The following LGR6 variants were observed in gnomAD, a reference collection of about 807,000 sequenced individuals.
LGR6 encodes leucine-rich repeat-containing G protein-coupled receptor 6.
In LGR6, 45 loss-of-function variants were observed where a neutral mutation model predicts 69.4. The ratio of observed to expected loss-of-function variants is 0.65; its 90% CI spans 0.51 to 0.83. The LOEUF is 0.83. Among genes scored for constraint, LGR6 ranks in the 40% least tolerant of loss-of-function variants. LGR6 has a pLI of 0.00. For missense variants in LGR6, 1,108 were observed against 1,246.7 expected (o/e 0.89, Z 1.68); for synonymous variants, 538 against 555.0 (o/e 0.97, Z 0.43).
intron 1 of LGR6, among the ~76,000 whole-genome samples, chr1:202,201,235 C>G (rs1279935898): frequency 6.6e-6 from 1 of 152,230 alleles, no homozygotes; most frequent in Non-Finnish European, 1.5e-5. Context: ...CTGTGATCTT[C>G]TTCCAGAAAG....
rs1252671536 is a variant in LGR6, at chr1:202,318,534, T to G, written c.2231T>G (p.Phe744Cys). Reference protein sequence around the residue: ...VALVMMNSFCFLVVAGAYIKL... With the variant: ...VALVMMNSFCCLVVAGAYIKL... ...CTGGTGATGATGAACTCCTTCTGTTTCCTGGTCGTGGCCGGTGCCTACATC... is the reference window on the plus strand; with the variant it reads ...CTGGTGATGATGAACTCCTTCTGTTGCCTGGTCGTGGCCGGTGCCTACATC... Residue 744 changes from phenylalanine to cysteine, a missense_variant, in exon 18 of 18, where the codon TTC becomes TGC. Phe to Cys is a radical substitution (Grantham distance 205). Transcript: ENST00000367278. 3.1e-6 allele frequency: 5 copies of G among 1,613,988 alleles called. No homozygotes were observed. Among genetic ancestry groups the G allele is most frequent in the Non-Finnish European group, 4.2e-6 (5 of 1,180,012 alleles).
intron 6 of LGR6, among the ~76,000 whole-genome samples, chr1:202,291,616 T>C (rs115336444): frequency 3.9e-5 from 6 of 152,316 alleles, no homozygotes; most frequent in East Asian, 1.9e-4. Context: ...TCCTGTCTCA[T>C]TGGGGAGACA....
chr1:202,238,016 A>C (rs1661740109), intron 4 of LGR6, among the ~76,000 whole-genome samples: 1 of 151,652 alleles, frequency 6.6e-6, no homozygotes, highest in Non-Finnish European at 1.5e-5. Flanking sequence ...CACAGCTATA[A>C]TGTATGATGA....
At chr1:202,251,564 C>G (rs762853082) in intron 4 of LGR6, among the ~76,000 whole-genome samples, 1 of 152,154 alleles carries the variant, frequency 6.6e-6, no homozygotes, top group Non-Finnish European at 1.5e-5. Flanking sequence ...CCAGGAGGCT[C>G]TATTCCCCAG....
chr1:202,235,571 C>G (rs1359186419), intron 3 of LGR6, among the ~76,000 whole-genome samples: 1 of 152,194 alleles, frequency 6.6e-6, no homozygotes, highest in Non-Finnish European at 1.5e-5. Context: ...TTTCCCACAT[C>G]CTTCCTGACC....
intron 2 of LGR6, 86 bp from the exon 3 acceptor site, chr1:202,227,850 C>T: frequency 2.3e-6 from 2 of 885,690 alleles, no homozygotes; most frequent in South Asian, 1.3e-5. Flanking sequence ...GCCCTCCCTT[C>T]CCGTATCTCA....
rs117498395 is a variant in LGR6, at chr1:202,243,749, G to T, written c.428+7756G>T. Among the ~76,000 whole-genome samples, 179 of 152,240 alleles carry T rather than the reference G, an allele frequency of 1.2e-3. No individual in the cohort carries two copies. In the East Asian group the frequency reaches 0.033, roughly 28 times the overall value. ...AATCTTCAAGAGGGCCCAAGTGGGA[G>T]CCCTGGGTGATTCCAAGAGAAGGAG... On this transcript the variant is annotated intron_variant, in intron 4 of 17. Transcript: ENST00000367278.
At chr1:202,273,663 G>A (rs1479072554) in intron 4 of LGR6, among the ~76,000 whole-genome samples, 2 of 151,682 alleles carry the variant, frequency 1.3e-5, no homozygotes, top group Non-Finnish European at 2.9e-5. Context: ...CGCTATGTTG[G>A]TCAGGCTGGT....
At chr1:202,233,223 TTA>T (rs1276220615) in intron 3 of LGR6, among the ~76,000 whole-genome samples, 1 of 152,192 alleles carries the variant, frequency 6.6e-6, no homozygotes, top group Non-Finnish European at 1.5e-5. Flanking sequence ...ATCTTTCTAG[TTA>T]TCTCTCTGGG....
intron 4 of LGR6, among the ~76,000 whole-genome samples, chr1:202,256,346 C>T (rs1488741797): frequency 6.6e-6 from 1 of 152,056 alleles, no homozygotes; most frequent in Non-Finnish European, 1.5e-5. Flanking sequence ...CGGGTTCAAG[C>T]GATTCTCCCG....
chr1:202,287,306 G>A (rs529951840), intron 6 of LGR6, among the ~76,000 whole-genome samples: 1 of 152,100 alleles, frequency 6.6e-6, no homozygotes, highest in Admixed American at 6.5e-5. Flanking sequence ...AGACTAAAGG[G>A]TTCTAGATCA....
intron 4 of LGR6, among the ~76,000 whole-genome samples, chr1:202,269,794 C>T (rs1571931959): frequency 6.6e-6 from 1 of 152,338 alleles, no homozygotes; most frequent in East Asian, 1.9e-4. Flanking sequence ...GACACCTGCC[C>T]TCTTTCCCTT....
chr1:202,304,930 C>T (rs892955913), intron 11 of LGR6, among the ~76,000 whole-genome samples: 1 of 152,162 alleles, frequency 6.6e-6, no homozygotes, highest in African/African-American at 2.4e-5. Flanking sequence ...GTGCATAATA[C>T]CAATAAATGA....
At chr1:202,284,616 G>T (rs535468827) in intron 6 of LGR6, among the ~76,000 whole-genome samples, 1 of 152,304 alleles carries the variant, frequency 6.6e-6, no homozygotes, top group South Asian at 2.1e-4. Flanking sequence ...GTTTTCCCAG[G>T]AGGTCTCAGG....
At chr1:202,255,470 C>T (rs1397950104) in intron 4 of LGR6, among the ~76,000 whole-genome samples, 1 of 152,184 alleles carries the variant, frequency 6.6e-6, no homozygotes, top group African/African-American at 2.4e-5. Context: ...ACTGCCTGCT[C>T]CTCGTCTCTC....
At chr1:202,245,151 C>T (rs1007191419) in intron 4 of LGR6, among the ~76,000 whole-genome samples, 1 of 152,202 alleles carries the variant, frequency 6.6e-6, no homozygotes, top group African/African-American at 2.4e-5. Flanking sequence ...AGGGCCCAGC[C>T]GAGGGGTCCC....
chr1:202,229,541 G>A (rs184303467), intron 3 of LGR6, among the ~76,000 whole-genome samples: 18 of 152,326 alleles, frequency 1.2e-4, no homozygotes, highest in East Asian at 9.6e-4. Context: ...TAAGACTCAC[G>A]TCCCATTCCT....
At chr1:202,282,033 C>T (rs1418877540) in intron 6 of LGR6, among the ~76,000 whole-genome samples, 1 of 152,146 alleles carries the variant, frequency 6.6e-6, no homozygotes, top group Non-Finnish European at 1.5e-5. Flanking sequence ...GGCACAAGAC[C>T]CAGAAGTGTG....
intron 4 of LGR6, among the ~76,000 whole-genome samples, chr1:202,260,777 TA>T (rs1395681932): frequency 6.6e-6 from 1 of 152,212 alleles, no homozygotes; most frequent in East Asian, 1.9e-4. Context: ...CTAACTAATA[TA>T]TTTTTTTGTG....
Sources: gnomAD v4.1 joint callset for allele counts (sites outside exome capture counted in the v4.1 genomes callset) on GRCh38, gnomAD v4.1.1 for gene constraint, MANE v1.5 for transcripts, NCBI Gene and HGNC (gene_info 2026-07-23, HGNC 2026-07-21) for gene names.